Variants in NR6A1 observed in about 807,000 individuals in gnomAD.
NR6A1 encodes the protein retinoic acid receptor-related testis-associated receptor.
Under a neutral mutation model 59.1 loss-of-function variants are expected in NR6A1, and 7 were observed. That is an observed-to-expected ratio of 0.12 (90% CI 0.07 to 0.22). The LOEUF (loss-of-function observed/expected upper bound fraction) is 0.22, where lower values mean the gene tolerates loss of function less well. Among genes scored for constraint, NR6A1 ranks in the 10% least tolerant of loss-of-function variants. The pLI, the probability that NR6A1 is intolerant of heterozygous loss-of-function variation, is 1.00. For missense variants in NR6A1, 468 were observed against 611.6 expected, an observed-to-expected ratio of 0.77 and a Z score of 2.48; for synonymous variants, 243 against 236.1, an observed-to-expected ratio of 1.03 and a Z score of -0.27.
intron 2 of NR6A1, among the ~76,000 whole-genome samples, chr9:124,582,304 C>T (rs1181743167): frequency 6.6e-6 from 1 of 152,166 alleles, no homozygotes; most frequent in African/African-American, 2.4e-5. Context: ...CCTTAGCAAA[C>T]TAACATGCGA....
intron 2 of NR6A1, 143 bp from the exon 3 acceptor site, chr9:124,554,713 T>C: frequency 1.0e-6 from 1 of 1,002,380 alleles, no homozygotes; most frequent in Non-Finnish European, 1.5e-6. Context: ...TTCGGATCCT[T>C]GTCCCAAGAG....
intron 9 of NR6A1, among the ~76,000 whole-genome samples, chr9:124,523,021 TACTC>T (rs1175619723): frequency 2.6e-5 from 4 of 152,154 alleles, no homozygotes; most frequent in Admixed American, 2.6e-4. Context: ...ATCATTCTAC[TACTC>T]AGGGAATACT....
intron 2 of NR6A1, among the ~76,000 whole-genome samples, chr9:124,691,133 A>G (rs1838531255): frequency 6.6e-6 from 1 of 152,252 alleles, no homozygotes; most frequent in Non-Finnish European, 1.5e-5. Flanking sequence ...TAAACCCATT[A>G]AAAAGTTTTA....
chr9:124,656,707 C>CT (rs1357509675), intron 2 of NR6A1, among the ~76,000 whole-genome samples: 1 of 152,124 alleles, frequency 6.6e-6, no homozygotes, highest in Non-Finnish European at 1.5e-5. Context: ...TGGTGGGCAC[C>CT]TGTAGTCCCA....
At chr9:124,537,070 ATTT>A (rs111541971) in intron 6 of NR6A1, among the ~76,000 whole-genome samples, 8 of 136,604 alleles carry the variant, frequency 5.9e-5, no homozygotes, top group Non-Finnish European at 7.8e-5. Flanking sequence ...CCACATCTAA[ATTT>A]TTTTTTTTTT....
At chr9:124,731,233 G>A (rs1204848691) in intron 2 of NR6A1, among the ~76,000 whole-genome samples, 1 of 152,086 alleles carries the variant, frequency 6.6e-6, no homozygotes, top group African/African-American at 2.4e-5. Context: ...AGCCAGCCAT[G>A]GTTGCGCACG....
intron 2 of NR6A1, among the ~76,000 whole-genome samples, chr9:124,635,680 T>C (rs1176379658): frequency 6.6e-6 from 1 of 152,260 alleles, no homozygotes. Context: ...GTCTCCTCTA[T>C]GTCTCTTCGT....
chr9:124,587,758 T>C (rs1834977099), intron 2 of NR6A1, among the ~76,000 whole-genome samples: 1 of 152,230 alleles, frequency 6.6e-6, no homozygotes, highest in Non-Finnish European at 1.5e-5. Context: ...CCGCAAATTA[T>C]GAAGCTTCAA....
chr9:124,659,720 TAAAAGCA>T (rs1837371963), intron 2 of NR6A1, among the ~76,000 whole-genome samples: 1 of 152,232 alleles, frequency 6.6e-6, no homozygotes, highest in Admixed American at 6.5e-5. Context: ...GGAAGGAATG[TAAAAGCA>T]TGACCCTTTA....
chr9:124,579,143 C>A (rs1207287358), intron 2 of NR6A1, among the ~76,000 whole-genome samples: 1 of 152,118 alleles, frequency 6.6e-6, no homozygotes, highest in Non-Finnish European at 1.5e-5. Flanking sequence ...GTTAGCCAGG[C>A]ATGGTGGCAT....
chr9:124,552,353 G>GGGA lies in NR6A1; in HGVS notation c.385+1972_385+1974dup, dbSNP rs538992341. ...ATAAGAGGAAACTGACAGTGGGGAA[G>GGGA]GGAAAAGATCTCCAAGTAGAGGAAA... On this transcript the variant is annotated intron_variant, in intron 3 of 9. Transcript: ENST00000487099. Among the ~76,000 whole-genome samples the GGGA allele has an allele frequency of 5.5e-3, 840 of 152,270 alleles. 7 individuals carry two copies. The highest frequency in any genetic ancestry group is 0.019 in the African/African-American group (798 of 41,544).
chr9:124,738,987 G>C (rs1433505984), intron 1 of NR6A1, among the ~76,000 whole-genome samples: 1 of 144,618 alleles, frequency 6.9e-6, no homozygotes, highest in Non-Finnish European at 1.5e-5. Context: ...AGACAACGAA[G>C]CAAGACTCCA....
rs541834155 is a variant in NR6A1 at position 124,569,820 on chromosome 9, C to T, written c.143-15250G>A. ...TACATACCATGTCCATTCCACCGCA[C>T]ATACTACTATAAAATTCCATTTCCA... On this transcript the variant is annotated intron_variant, in intron 2 of 9. Transcript: ENST00000487099. Among the ~76,000 whole-genome samples the T allele has an allele frequency of 5.3e-5, 8 of 152,330 alleles. No homozygotes were observed. The East Asian group carries it at 9.6e-4, about 18-fold the overall frequency.
intron 1 of NR6A1, among the ~76,000 whole-genome samples, chr9:124,757,460 G>GAAA (rs1840665580): frequency 2.7e-5 from 2 of 73,934 alleles, no homozygotes; most frequent in African/African-American, 4.9e-5. Flanking sequence ...CTAAAAAAAT[G>GAAA]CAAAAAAAAA....
intron 2 of NR6A1, among the ~76,000 whole-genome samples, chr9:124,585,595 G>A (rs1834906304): frequency 6.9e-6 from 1 of 144,826 alleles, no homozygotes; most frequent in Non-Finnish European, 1.5e-5. Context: ...AAGTGCTGAT[G>A]TAGAAGCCGC....
chr9:124,558,746 A>G (rs1833995478), intron 2 of NR6A1, among the ~76,000 whole-genome samples: 1 of 152,116 alleles, frequency 6.6e-6, no homozygotes, highest in Non-Finnish European at 1.5e-5. Flanking sequence ...TATGTTCCTA[A>G]CCATTACATT....
chr9:124,692,852 T>C (rs959120707), intron 2 of NR6A1, among the ~76,000 whole-genome samples: 9 of 152,224 alleles, frequency 5.9e-5, no homozygotes, highest in African/African-American at 1.9e-4. Context: ...TTATTAAAAA[T>C]ACGTATTTTG....
chr9:124,580,549 G>A (rs866811544), intron 2 of NR6A1, among the ~76,000 whole-genome samples: 1 of 152,200 alleles, frequency 6.6e-6, no homozygotes, highest in Non-Finnish European at 1.5e-5. Flanking sequence ...GCCAGGCGTG[G>A]TGGTTCACAC....
At chr9:124,631,036 G>T (rs1436638300) in intron 2 of NR6A1, among the ~76,000 whole-genome samples, 2 of 151,700 alleles carry the variant, frequency 1.3e-5, no homozygotes, top group African/African-American at 4.9e-5. Flanking sequence ...ATCTTTTACA[G>T]TTATTGTGAG....
Sources: allele counts gnomAD v4.1 joint callset (sites outside exome capture counted in the v4.1 genomes callset), GRCh38; gene constraint gnomAD v4.1.1; transcripts MANE v1.5; gene names NCBI Gene and HGNC (gene_info 2026-07-23, HGNC 2026-07-21).